The following NSD2 variants were observed in gnomAD, a reference collection of about 807,000 sequenced individuals.
NSD2 encodes histone-lysine N-methyltransferase NSD2.
In NSD2, 12 loss-of-function variants were observed where a neutral mutation model predicts 139.0. That is an observed-to-expected ratio of 0.09 (90% CI 0.06 to 0.14). NSD2 has a LOEUF of 0.14. NSD2 is among the 10% of genes least tolerant of loss of function. NSD2 has a pLI of 1.00. For missense variants in NSD2, 1,155 were observed against 1,745.0 expected, an observed-to-expected ratio of 0.66 and a Z score of 6.02; for synonymous variants, 669 against 648.7, an observed-to-expected ratio of 1.03 and a Z score of -0.48.
intron 2 of NSD2, among the ~76,000 whole-genome samples, chr4:1,903,433 G>A (rs1190197220): frequency 6.6e-6 from 1 of 152,144 alleles, no homozygotes; most frequent in Non-Finnish European, 1.5e-5. Context: ...TACATGTGAT[G>A]GAGCCGAGAC....
Position 1,900,858 on chromosome 4 carries a change from C to T in NSD2, c.204C>T (p.His68=), listed in dbSNP as rs756117908. 16 of 1,613,504 alleles carry T rather than the reference C, an allele frequency of 9.9e-6. No homozygotes were observed. Among genetic ancestry groups the T allele is most frequent in the Middle Eastern group, 1.7e-4 (1 of 6,058 alleles). ...QEGVMQKFNG[H]DALPFIPADK... is the part of the protein sequence containing the mutation. ...GGGTCATGCAGAAGTTTAACGGCCA[C>T]GACGCCCTGCCCTTTATTCCAGCCG... The change falls in exon 2 of 22, where the codon CAC becomes CAT. Residue 68 remains histidine (H), a synonymous_variant. Coordinates refer to ENST00000508803, the MANE Select transcript of NSD2 (RefSeq NM_001042424.3).
At chr4:1,939,359 G>C in intron 8 of NSD2, 1 of 398,216 alleles carries the variant, frequency 2.5e-6, no homozygotes, top group East Asian at 4.3e-5. Context: ...TGATATGTCT[G>C]GGATTTGCTT....
intron 9 of NSD2, chr4:1,944,001 C>T (rs868477141): frequency 5.6e-5 from 60 of 1,065,256 alleles, no homozygotes; most frequent in Middle Eastern, 4.2e-4. Flanking sequence ...AAATGGTGTC[C>T]AAAGAGCAGC....
rs775210009 is a variant in NSD2 at position 1,935,137 on chromosome 4, T to C, written c.1556-7T>C. On this transcript the variant is annotated splice_polypyrimidine_tract_variant and splice_region_variant and intron_variant, in intron 6 of 21. Coordinates refer to ENST00000508803, the MANE Select transcript of NSD2 (RefSeq NM_001042424.3). ...TCATGTACATTTTCCCCATTCCCCA[T>C]TCCAAGGTAATGTAAATGGGAAAAA... The C allele has an allele frequency of 3.1e-6, 5 of 1,603,654 alleles. No individual in the cohort carries two copies. The African/African-American group carries it at 6.7e-5, about 22-fold the overall frequency.
chr4:1,968,118 T>C (rs902032694), intron 18 of NSD2, among the ~76,000 whole-genome samples: 2 of 152,246 alleles, frequency 1.3e-5, no homozygotes, highest in Admixed American at 6.5e-5. Flanking sequence ...GCTCTGCTTA[T>C]CTGTGACTTC....
chr4:1,938,787 A>G (rs1346429193), intron 8 of NSD2, among the ~76,000 whole-genome samples: 2 of 152,172 alleles, frequency 1.3e-5, no homozygotes, highest in African/African-American at 4.8e-5. Context: ...ACTTGGCTCT[A>G]TTATTTGCAA....
chr4:1,890,294 G>A (rs1577366742), intron 1 of NSD2, among the ~76,000 whole-genome samples: 1 of 151,252 alleles, frequency 6.6e-6, no homozygotes, highest in African/African-American at 2.4e-5. Context: ...TTTTTGTTTT[G>A]TTTTGTTTTT....
rs140494040 is a variant in NSD2, at chr4:1,885,597, T to C, written c.-30+14055T>C. Among the ~76,000 whole-genome samples the C allele has an allele frequency of 5.5e-4, 83 of 152,272 alleles. 2 individuals are homozygous for C. The East Asian group carries it at 0.01, about 18-fold the overall frequency. On this transcript the variant is annotated intron_variant, in intron 1 of 21. Coordinates refer to ENST00000508803, the MANE Select transcript of NSD2 (RefSeq NM_001042424.3). ...CCTCTGGGGAGTCTCAAGTGGCTGC[T>C]TGGGGCCACACATCATGCTGGAGTG... is the stretch of plus-strand genomic sequence containing the variant.
rs1028526890 is a variant in NSD2 at position 1,980,705 on chromosome 4, G to C, written c.*1796G>C. 5 of 233,116 alleles carry C rather than the reference G, an allele frequency of 2.1e-5. No individual in the cohort carries two copies. Among genetic ancestry groups the C allele is most frequent in the Admixed American group, 1.1e-4 (2 of 17,770 alleles). 14.4% of individuals were successfully genotyped at this position (233,116 alleles called of 1,614,324 possible). On this transcript the variant is annotated 3_prime_UTR_variant, in exon 22 of 22. Coordinates refer to ENST00000508803, the MANE Select transcript of NSD2 (RefSeq NM_001042424.3). ...TTCTCCCATCAGGGTCCCCAGCAAA[G>C]TTAACTACACAGAGGACCCAGGGGA...
At chr4:1,906,382 G>T (rs1165948279) in intron 3 of NSD2, among the ~76,000 whole-genome samples, 2 of 151,948 alleles carry the variant, frequency 1.3e-5, no homozygotes, top group Admixed American at 6.6e-5. Context: ...GGGACTACAG[G>T]TGCGTGCCAC....
At chr4:1,943,726 CA>C (rs201271995) in intron 9 of NSD2, 27 of 1,047,948 alleles carry the variant, frequency 2.6e-5, no homozygotes, top group Middle Eastern at 4.4e-4. Context: ...TTAAAATTCT[CA>C]AAAAAAAACC....
Position 1,916,951 on chromosome 4 carries a change from C to G in NSD2, c.841C>G (p.Leu281Val). 1 of 1,614,102 alleles carries G rather than the reference C, an allele frequency of 6.2e-7. No homozygotes were observed. The highest frequency in any genetic ancestry group is 1.7e-5 in the Admixed American group (1 of 60,012). Residue 281 changes from leucine (L) to valine (V), a missense_variant, in exon 4 of 22, where the codon CTC becomes GTC. Physicochemically the swap from Leu to Val is conservative, Grantham distance 32. Around this residue, in one of 8 missense-constraint regions of NSD2, gnomAD observed 420 missense variants for 469.0 expected, o/e 0.90. Transcript: ENST00000508803. ...PERAWIFEKS[L>V]VAFEGEGQFE... The stretch of plus-strand genomic sequence containing the variant: ...AAGAGCTTGGATATTTGAGAAGAGC[C>G]TCGTAGCTTTTGAAGGAGAAGGACA...
At position 1,955,562 on chromosome 4, in the gene NSD2, A is replaced by T. The variant is rs922422903; in HGVS notation, c.2519-131A>T. 1.6e-6 allele frequency: 2 copies of T among 1,272,314 alleles called. No individual in the cohort carries two copies. Among genetic ancestry groups the T allele is most frequent in the African/African-American group, 3.0e-5 (2 of 66,550 alleles). 78.8% of individuals were successfully genotyped at this position (1,272,314 alleles called of 1,614,324 possible). On this transcript the variant is annotated intron_variant, in intron 13 of 21. Transcript: ENST00000508803. The surrounding 1 kb of genome is among the most constrained non-coding windows in gnomAD (Gnocchi z 4.7). ...GAAAATGACATTTGCTCTCGTGCTG[A>T]TGTACAGATCGCTGTTTTAAAACTG...
At chr4:1,894,667 G>A (rs1228559498) in intron 1 of NSD2, among the ~76,000 whole-genome samples, 1 of 144,656 alleles carries the variant, frequency 6.9e-6, no homozygotes, top group African/African-American at 2.6e-5. Flanking sequence ...GGAAGACCCT[G>A]TCTCAATAAA....
rs540144085 is a variant in NSD2, at chr4:1,974,779, A to G, written c.3373-84A>G. 52 of 1,581,740 alleles carry G rather than the reference A, an allele frequency of 3.3e-5. No individual in the cohort carries two copies. The highest frequency in any genetic ancestry group is 6.7e-5 in the South Asian group (6 of 90,044). ...TACAACAAGGAACACAACTTGTTCA[A>G]TGTGCTTTATGATGGTGAAAATTCC... On this transcript the variant is annotated intron_variant, in intron 18 of 21. Coordinates refer to ENST00000508803, the MANE Select transcript of NSD2 (RefSeq NM_001042424.3). This position sits in a 1 kb window ranked among gnomAD's most constrained non-coding sequence, Gnocchi z 4.0.
chr4:1,945,206 C>T (rs1255712517), intron 9 of NSD2: 5 of 1,066,388 alleles, frequency 4.7e-6, no homozygotes, highest in Admixed American at 5.4e-5. Flanking sequence ...ATGGGGTGCT[C>T]AGGGACTGGG....
intron 5 of NSD2, among the ~76,000 whole-genome samples, chr4:1,920,486 TA>T (rs1183431808): frequency 6.6e-5 from 10 of 152,198 alleles, no homozygotes; most frequent in African/African-American, 2.4e-4. Flanking sequence ...TATTGTGACT[TA>T]CTGTGTAATG....
intron 9 of NSD2, chr4:1,940,007 C>T: frequency 7.2e-7 from 1 of 1,394,512 alleles, no homozygotes; most frequent in South Asian, 1.6e-5. Context: ...TGTCTGTGTA[C>T]ATGTACAGAT....
At chr4:1,883,824 G>A (rs558215585) in intron 1 of NSD2, among the ~76,000 whole-genome samples, 13 of 152,146 alleles carry the variant, frequency 8.5e-5, no homozygotes, top group Non-Finnish European at 1.9e-4. Context: ...CTGCCTAGAT[G>A]GCGATAAGAA....
Sources: gnomAD v4.1 joint callset for allele counts (sites outside exome capture counted in the v4.1 genomes callset) on GRCh38, gnomAD v4.1.1 for gene constraint, gnomAD v4.1.1 regional missense constraint, Gnocchi (gnomAD v3.1) non-coding constraint, MANE v1.5 for transcripts, NCBI Gene and HGNC (gene_info 2026-07-23, HGNC 2026-07-21) for gene names.